The following CCNK variants were observed in gnomAD, a reference collection of about 807,000 sequenced individuals.
The protein encoded by CCNK is cyclin K.
Under a neutral mutation model 65.0 loss-of-function variants are expected in CCNK, and 9 were observed. The observed-to-expected ratio is 0.14, with a 90% CI of 0.08 to 0.24. The LOEUF (loss-of-function observed/expected upper bound fraction) is 0.24, where lower values mean the gene tolerates loss of function less well. Among genes scored for constraint, CCNK ranks in the 10% least tolerant of loss-of-function variants. The pLI, the probability that CCNK is intolerant of heterozygous loss-of-function variation, is 1.00. For missense variants in CCNK, 474 were observed against 720.0 expected (o/e 0.66, Z 3.91); for synonymous variants, 279 against 270.8 (o/e 1.03, Z -0.30).
intron 9 of CCNK, chr14:99,506,830 A>G: frequency 2.1e-6 from 1 of 476,452 alleles, no homozygotes. Flanking sequence ...AAGGAAACTT[A>G]GGTAGACATG....
intron 10 of CCNK, 34 bp from the exon 11 acceptor site, chr14:99,510,123 G>A (rs760843012): frequency 3.2e-6 from 5 of 1,568,780 alleles, no homozygotes; most frequent in Non-Finnish European, 4.3e-6. Context: ...CATTGCTGGC[G>A]GAGGCCGGGC....
Position 99,510,919 on chromosome 14 carries a change from G to A in CCNK, c.*137G>A. On this transcript the variant is annotated 3_prime_UTR_variant, in exon 11 of 11. Coordinates refer to ENST00000389879, the MANE Select transcript of CCNK (RefSeq NM_001099402.2). ...TATGGGAAGAATGGACCGGGCCCCT[G>A]GGATAAAATCAGAGTGGTCCTCACA... is the stretch of plus-strand genomic sequence containing the variant. 1.3e-6 allele frequency: 1 copy of A among 774,784 alleles called. No homozygotes were observed. Among genetic ancestry groups the A allele is most frequent in the Non-Finnish European group, 1.8e-6 (1 of 557,070 alleles). The allele number at this position is 774,784 out of a possible 1,614,324, so 48.0% of individuals were successfully genotyped here.
Position 99,502,264 on chromosome 14 carries a change from G to A in CCNK, c.633G>A (p.Met211Ile), listed in dbSNP as rs1475602740. 4 of 1,607,728 alleles carry A rather than the reference G, an allele frequency of 2.5e-6. No homozygotes were observed. The South Asian group carries it at 3.3e-5, about 13-fold the overall frequency. Residue 211 changes from methionine (M) to isoleucine (I), a missense_variant, in exon 7 of 11, where the codon ATG becomes ATA. Coordinates refer to ENST00000389879, the MANE Select transcript of CCNK (RefSeq NM_001099402.2). ...CAGAGATCATAGCAGTAGCAGTGAT[G>A]TATCTCGCAGGACGTTTGTGCAAAT... ...WEPEIIAVAVMYLAGRLCKFE... is the reference protein window; with the variant it reads ...WEPEIIAVAVIYLAGRLCKFE...
intron 1 of CCNK, among the ~76,000 whole-genome samples, chr14:99,489,665 G>T (rs753753742): frequency 2.6e-5 from 4 of 152,138 alleles, no homozygotes; most frequent in African/African-American, 7.2e-5. Flanking sequence ...TGATTTTGTT[G>T]CCCATTTGGT....
At chr14:99,507,887 C>T (rs1435178083) in intron 10 of CCNK, 2 of 152,176 alleles carry the variant, frequency 1.3e-5, no homozygotes, top group East Asian at 3.8e-4. Context: ...TCTCTGATAC[C>T]GCTGGCAATA....
intron 4 of CCNK, among the ~76,000 whole-genome samples, chr14:99,495,961 A>G (rs901292838): frequency 6.6e-6 from 1 of 152,160 alleles, no homozygotes; most frequent in African/African-American, 2.4e-5. Context: ...AACTCCAGCT[A>G]GCTTCTGGGT....
rs746411687 is a variant in CCNK at position 99,502,184 on chromosome 14, CT to C, written c.576-14del. ...TAAATATTAGATCATATTATCTAAC[CT>C]TTTTTTTTCTTGTTGAACTAGTCTC... On this transcript the variant is annotated intron_variant, in intron 6 of 10. Transcript: ENST00000389879. The C allele has an allele frequency of 8.2e-5, 126 of 1,531,746 alleles. 1 individual carries two copies. The highest frequency in any genetic ancestry group is 3.6e-4 in the South Asian group (29 of 81,652). The allele number at this position is 1,531,746 out of a possible 1,614,324, so 94.9% of individuals were successfully genotyped here.
intron 1 of CCNK, 94 bp downstream of exon 1, chr14:99,481,573 G>A (rs1004932764): frequency 2.0e-5 from 8 of 397,712 alleles, no homozygotes; most frequent in Admixed American, 4.4e-5. Flanking sequence ...TCCACTGGCG[G>A]AGTCTCTCTT....
intron 1 of CCNK, among the ~76,000 whole-genome samples, chr14:99,490,513 A>T (rs551060879): frequency 6.6e-6 from 1 of 152,350 alleles, no homozygotes; most frequent in Non-Finnish European, 1.5e-5. Flanking sequence ...AAGCTTTCAT[A>T]AAAAGGCAAA....
chr14:99,486,999 A>G (rs1002128272), intron 1 of CCNK, among the ~76,000 whole-genome samples: 3 of 152,316 alleles, frequency 2.0e-5, no homozygotes, highest in Non-Finnish European at 4.4e-5. Context: ...CTGCCATGCC[A>G]TTAAGGCCTG....
At chr14:99,503,127 G>A (rs1003047065) in intron 8 of CCNK, 143 bp downstream of exon 8, 62 of 957,634 alleles carry the variant, frequency 6.5e-5, no homozygotes, top group Middle Eastern at 2.4e-4. Flanking sequence ...ACTGCTTGTC[G>A]GTGGGGAGCC....
chr14:99,489,754 G>A (rs149215117), intron 1 of CCNK, among the ~76,000 whole-genome samples: 36 of 152,220 alleles, frequency 2.4e-4, no homozygotes, highest in Admixed American at 1.9e-3. Flanking sequence ...AAACATCAAA[G>A]TTATAAAAGT....
intron 3 of CCNK, 120 bp from the exon 4 acceptor site, chr14:99,495,378 T>C (rs1208526210): frequency 1.3e-6 from 1 of 778,692 alleles, no homozygotes; most frequent in East Asian, 3.0e-5. Flanking sequence ...TATTTGTGAA[T>C]GATAAAAAGA....
intron 7 of CCNK, 161 bp downstream of exon 7, chr14:99,502,537 A>T (rs1896858988): frequency 1.5e-6 from 2 of 1,312,530 alleles, no homozygotes; most frequent in Admixed American, 5.4e-5. Flanking sequence ...CACTTTGTCC[A>T]AACACATACT....
At position 99,510,866 on chromosome 14, in the gene CCNK, T is replaced by TA; in HGVS notation, c.*85dup. ...TAGTTGAAGTGGGTAAGCAGCAGGG[T>TA]ACCTTGTATAATGCACGACAGTTGC... On this transcript the variant is annotated 3_prime_UTR_variant, in exon 11 of 11. Coordinates refer to ENST00000389879, the MANE Select transcript of CCNK (RefSeq NM_001099402.2). 8.4e-7 allele frequency: 1 copy of TA among 1,196,542 alleles called. No homozygotes were observed. Among genetic ancestry groups the TA allele is most frequent in the South Asian group, 2.5e-5 (1 of 39,444 alleles). The allele number at this position is 1,196,542 out of a possible 1,614,324, so 74.1% of individuals were successfully genotyped here. A position where few individuals can be genotyped will look rare whatever the true frequency, so the allele number is the denominator to read the frequency against.
chr14:99,483,231 A>T (rs1896399689), intron 1 of CCNK, among the ~76,000 whole-genome samples: 1 of 152,110 alleles, frequency 6.6e-6, no homozygotes, highest in South Asian at 2.1e-4. Flanking sequence ...TGATTCCCTG[A>T]AGCCAGCAGA....
intron 1 of CCNK, among the ~76,000 whole-genome samples, chr14:99,490,579 A>G (rs3918056): frequency 0.05 from 7,682 of 152,250 alleles, 282 homozygotes; most frequent in Non-Finnish European, 0.073. Flanking sequence ...TGTCTTTTCC[A>G]TCCTGTTTTT....
chr14:99,504,448 T>C (rs1595320159), intron 9 of CCNK: 1 of 130,566 alleles, frequency 7.7e-6, no homozygotes, highest in African/African-American at 2.8e-5. Flanking sequence ...TCAGTACAGG[T>C]GAATTTTTTT....
At chr14:99,492,597 T>C in intron 1 of CCNK, 29 bp from the exon 2 acceptor site, 1 of 1,229,118 alleles carries the variant, frequency 8.1e-7, no homozygotes, top group Non-Finnish European at 1.1e-6. Flanking sequence ...GAGTATTCCT[T>C]TCCAACTTTG....
Sources: allele counts gnomAD v4.1 joint callset (sites outside exome capture counted in the v4.1 genomes callset), GRCh38; gene constraint gnomAD v4.1.1; transcripts MANE v1.5; gene names NCBI Gene and HGNC (gene_info 2026-07-23, HGNC 2026-07-21).